The following ANKH variants were observed in gnomAD, a reference collection of about 807,000 sequenced individuals.
ANKH encodes ANKH inorganic pyrophosphate transport regulator.
In ANKH, 15 loss-of-function variants were observed where a neutral mutation model predicts 49.0. The observed-to-expected ratio is 0.31, with a 90% CI of 0.20 to 0.47. The LOEUF is 0.47. ANKH is among the 20% of genes least tolerant of loss of function. ANKH has a pLI of 1.00. For synonymous variants in ANKH, 273 were observed against 260.0 expected, an observed-to-expected ratio of 1.05 and a Z score of -0.48; for missense variants, 429 against 652.0, an observed-to-expected ratio of 0.66 and a Z score of 3.72.
intron 4 of ANKH, 116 bp downstream of exon 4, chr5:14,755,744 CA>C: frequency 1.6e-5 from 15 of 963,894 alleles, no homozygotes; most frequent in Non-Finnish European, 2.5e-5. Flanking sequence ...ACGGTGCTGG[CA>C]AAACCAGGTC....
chr5:14,847,980 TA>T (rs1742012841), intron 1 of ANKH, among the ~76,000 whole-genome samples: 1 of 152,074 alleles, frequency 6.6e-6, no homozygotes, highest in Admixed American at 6.5e-5. Context: ...CCAGCTCTAC[TA>T]AAAATAAAAT....
intron 1 of ANKH, among the ~76,000 whole-genome samples, chr5:14,774,467 G>A (rs769715226): frequency 6.6e-6 from 1 of 151,500 alleles, no homozygotes; most frequent in Admixed American, 6.6e-5. Flanking sequence ...AGACACAGTC[G>A]CGCTCTGTCG....
At chr5:14,828,271 C>T (rs1741403987) in intron 1 of ANKH, among the ~76,000 whole-genome samples, 1 of 152,134 alleles carries the variant, frequency 6.6e-6, no homozygotes, top group South Asian at 2.1e-4. Flanking sequence ...GCGGGCATAT[C>T]ACTTAAAGTC....
At chr5:14,799,906 A>G (rs1290325094) in intron 1 of ANKH, among the ~76,000 whole-genome samples, 1 of 152,190 alleles carries the variant, frequency 6.6e-6, no homozygotes, top group South Asian at 2.1e-4. Context: ...TATAGCTGCC[A>G]TAGACAGTGA....
At chr5:14,753,197 G>A (rs1738776020) in intron 4 of ANKH, among the ~76,000 whole-genome samples, 2 of 152,176 alleles carry the variant, frequency 1.3e-5, no homozygotes, top group African/African-American at 4.8e-5. Context: ...GAATTTGGTT[G>A]CTGCAGTTGA....
At chr5:14,843,510 T>A (rs1282423113) in intron 1 of ANKH, among the ~76,000 whole-genome samples, 1 of 114,012 alleles carries the variant, frequency 8.8e-6, no homozygotes, top group Non-Finnish European at 1.7e-5. Context: ...AGACCCCAAC[T>A]AATGAGCCCT....
Position 14,871,459 on chromosome 5 carries a change from T to C in ANKH, c.-12A>G. The stretch of plus-strand genomic sequence containing the variant: ...GGGAATTTCACCATAGTCCCCGCCG[T>C]GGGCTGACCCCACACACATCTGCTG... On this transcript the variant is annotated 5_prime_UTR_variant, in exon 1 of 12. Transcript: ENST00000284268. 6.2e-7 allele frequency: 1 copy of C among 1,608,174 alleles called. No individual in the cohort carries two copies. Among genetic ancestry groups the C allele is most frequent in the Non-Finnish European group, 8.5e-7 (1 of 1,176,492 alleles).
chr5:14,845,288 C>T (rs1741924342), intron 1 of ANKH, among the ~76,000 whole-genome samples: 1 of 151,686 alleles, frequency 6.6e-6, no homozygotes, highest in South Asian at 2.1e-4. Flanking sequence ...GTGCCTGAAA[C>T]CACCATGCTG....
chr5:14,783,497 T>A (rs908940452), intron 1 of ANKH, among the ~76,000 whole-genome samples: 1 of 152,238 alleles, frequency 6.6e-6, no homozygotes, highest in Non-Finnish European at 1.5e-5. Flanking sequence ...CAGTATTCTA[T>A]TGATGCACAG....
At chr5:14,868,219 C>T (rs570075946) in intron 1 of ANKH, among the ~76,000 whole-genome samples, 8 of 152,170 alleles carry the variant, frequency 5.3e-5, no homozygotes, top group African/African-American at 1.9e-4. Context: ...TTATACATAG[C>T]TGGATTTCCA....
chr5:14,713,103 C>T lies in ANKH; in HGVS notation c.1266-130G>A, dbSNP rs1397687673. On this transcript the variant is annotated intron_variant, in intron 10 of 11. Coordinates refer to ENST00000284268, the MANE Select transcript of ANKH (RefSeq NM_054027.6). The surrounding 1 kb of genome is among the most constrained non-coding windows in gnomAD (Gnocchi z 4.4). ...ACCAGCGGCGTTCTCCATCTGCTGG[C>T]TTCGTAAGGGCCGCAGCTAATAACC... 1 of 905,162 alleles carries T rather than the reference C, an allele frequency of 1.1e-6. No homozygotes were observed. Among genetic ancestry groups the T allele is most frequent in the Non-Finnish European group, 1.7e-6 (1 of 572,546 alleles). 56.1% of individuals were successfully genotyped at this position (905,162 alleles called of 1,614,324 possible). A position where few individuals can be genotyped will look rare whatever the true frequency, so the allele number is the denominator to read the frequency against.
At chr5:14,750,994 T>C in intron 5 of ANKH, 75 bp downstream of exon 5, 1 of 1,573,416 alleles carries the variant, frequency 6.4e-7, no homozygotes, top group Non-Finnish European at 8.7e-7. Context: ...TGATTTCTCA[T>C]TTTACATAGA....
At chr5:14,848,607 T>C (rs1742036336) in intron 1 of ANKH, among the ~76,000 whole-genome samples, 1 of 152,182 alleles carries the variant, frequency 6.6e-6, no homozygotes, top group Admixed American at 6.5e-5. Context: ...GCGCCTCTGA[T>C]CCAGCTAGGC....
chr5:14,777,267 C>T (rs1488339100), intron 1 of ANKH, among the ~76,000 whole-genome samples: 2 of 152,110 alleles, frequency 1.3e-5, no homozygotes, highest in Non-Finnish European at 2.9e-5. Flanking sequence ...GTCTGGGCGA[C>T]AAGAGCAAAA....
At chr5:14,798,485 G>T (rs1026262195) in intron 1 of ANKH, 3 of 983,850 alleles carry the variant, frequency 3.0e-6, no homozygotes, top group African/African-American at 2.2e-5. Context: ...TGCGCACGCG[G>T]TCTCTATTTT....
intron 1 of ANKH, among the ~76,000 whole-genome samples, chr5:14,790,267 T>C (rs1374934560): frequency 6.6e-6 from 1 of 152,236 alleles, no homozygotes; most frequent in Non-Finnish European, 1.5e-5. Context: ...TAAACTACTA[T>C]ATCACCTAAT....
chr5:14,712,629 CCT>C (rs1737268033), intron 11 of ANKH, among the ~76,000 whole-genome samples: 1 of 152,368 alleles, frequency 6.6e-6, no homozygotes, highest in African/African-American at 2.4e-5. Context: ...CATGTCCACA[CCT>C]CTCTCCCCTT....
At chr5:14,831,438 G>A (rs531684939) in intron 1 of ANKH, among the ~76,000 whole-genome samples, 36 of 152,276 alleles carry the variant, frequency 2.4e-4, no homozygotes, top group Non-Finnish European at 5.9e-5. Flanking sequence ...TCCGCACCTT[G>A]CTGTAGTTGA....
chr5:14,728,582 G>A (rs1473519966), intron 8 of ANKH, among the ~76,000 whole-genome samples: 1 of 152,196 alleles, frequency 6.6e-6, no homozygotes, highest in Non-Finnish European at 1.5e-5. Context: ...GGCCGTCTTT[G>A]TTCCAGACAA....
Sources: gnomAD v4.1 joint callset for allele counts (sites outside exome capture counted in the v4.1 genomes callset) on GRCh38, gnomAD v4.1.1 for gene constraint, Gnocchi (gnomAD v3.1) non-coding constraint, MANE v1.5 for transcripts, NCBI Gene and HGNC (gene_info 2026-07-23, HGNC 2026-07-21) for gene names.